The following FMO1 variants were observed in gnomAD, a reference collection of about 807,000 sequenced individuals.
FMO1 encodes flavin containing dimethylaniline monoxygenase 1, also known as flavin-containing monooxygenase 1.
A neutral mutation model predicts 45.4 loss-of-function variants in FMO1; 36 were observed. That is an observed-to-expected ratio of 0.79 (90% CI 0.61 to 1.05). The LOEUF (loss-of-function observed/expected upper bound fraction) is 1.05. Among genes scored for constraint, FMO1 ranks in the 50% least tolerant of loss-of-function variants. FMO1 has a pLI of 0.00. For missense variants in FMO1, 615 were observed against 640.3 expected (o/e 0.96, Z 0.43); for synonymous variants, 228 against 227.2 (o/e 1.00, Z -0.03).
At chr1:171,263,938 T>C (rs542260247) in intron 2 of FMO1, among the ~76,000 whole-genome samples, 11 of 152,308 alleles carry the variant, frequency 7.2e-5, no homozygotes, top group African/African-American at 2.4e-4. Context: ...ACTCCCTGTA[T>C]ATATGCTAAA....
At chr1:171,270,500 T>C (rs1392511122) in intron 3 of FMO1, 19 of 878,540 alleles carry the variant, frequency 2.2e-5, no homozygotes, top group Non-Finnish European at 2.6e-5. Flanking sequence ...ACAATACTAA[T>C]AAAAAATTTG....
intron 3 of FMO1, among the ~76,000 whole-genome samples, chr1:171,270,050 T>TG (rs935536298): frequency 2.0e-5 from 3 of 152,220 alleles, no homozygotes; most frequent in Admixed American, 6.5e-5. Flanking sequence ...CTCACGCTTT[T>TG]GGGGATACAT....
intron 3 of FMO1, among the ~76,000 whole-genome samples, chr1:171,273,233 G>A (rs1242461865): frequency 6.6e-6 from 1 of 152,126 alleles, no homozygotes; most frequent in South Asian, 2.1e-4. Flanking sequence ...TGCTTCCCCA[G>A]CCACATGGAA....
chr1:171,267,672 C>A lies in FMO1; in HGVS notation c.262C>A (p.Leu88Met). The A allele has an allele frequency of 1.2e-6, 2 of 1,614,060 alleles. No homozygotes were observed. The highest frequency in any genetic ancestry group is 1.7e-6 in the Non-Finnish European group (2 of 1,179,978). Residue 88 changes from leucine (L) to methionine (M), a missense_variant, in exon 3 of 9, where the codon CTG becomes ATG. Leu to Met is a conservative substitution (Grantham distance 15, BLOSUM62 2). Coordinates refer to ENST00000617670, the MANE Select transcript of FMO1 (RefSeq NM_001282693.2). ...YPNYVPNSQF[L>M]EYLKMYANHF... Reference sequence around the variant, plus strand: ...AAACTATGTGCCAAATTCTCAATTCCTGGAATATCTCAAAATGTATGCAAA... The same window carrying A: ...AAACTATGTGCCAAATTCTCAATTCATGGAATATCTCAAAATGTATGCAAA...
chr1:171,251,443 G>A (rs1204110343), intron 1 of FMO1: 1 of 150,770 alleles, frequency 6.6e-6, no homozygotes, highest in Non-Finnish European at 1.5e-5. Flanking sequence ...TGCCGCAGTT[G>A]GTACCCCGTG....
chr1:171,270,601 CAATT>C (rs1220215577), intron 3 of FMO1: 1 of 986,534 alleles, frequency 1.0e-6, no homozygotes, highest in Non-Finnish European at 1.2e-6. Flanking sequence ...AACAGAACAA[CAATT>C]ATTTCCTATA....
chr1:171,252,274 T>C (rs1237094740), intron 1 of FMO1, among the ~76,000 whole-genome samples: 1 of 151,806 alleles, frequency 6.6e-6, no homozygotes, highest in African/African-American at 2.4e-5. Context: ...GAATGGTTAA[T>C]ATATATATAA....
chr1:171,257,721 CT>C, intron 1 of FMO1: 1 of 270,404 alleles, frequency 3.7e-6, no homozygotes, highest in Non-Finnish European at 7.2e-6. Flanking sequence ...TTTTCCTAGT[CT>C]GCTGATCTAT....
chr1:171,273,057 G>A (rs551626787), intron 3 of FMO1, among the ~76,000 whole-genome samples: 5 of 152,296 alleles, frequency 3.3e-5, no homozygotes, highest in Admixed American at 3.3e-4. Flanking sequence ...GGAGGTAACC[G>A]AATCATGAGG....
At chr1:171,258,606 A>C (rs539946980) in intron 2 of FMO1, among the ~76,000 whole-genome samples, 5 of 152,324 alleles carry the variant, frequency 3.3e-5, no homozygotes, top group Admixed American at 2.0e-4. Flanking sequence ...TCTGCCTGCA[A>C]GACTGAGCTG....
intron 2 of FMO1, among the ~76,000 whole-genome samples, chr1:171,265,605 T>C (rs1489174846): frequency 6.6e-6 from 1 of 152,176 alleles, no homozygotes; most frequent in Non-Finnish European, 1.5e-5. Context: ...ACATAGGCAA[T>C]TGACACAGAG....
At chr1:171,284,849 T>G (rs544428276) in intron 8 of FMO1, among the ~76,000 whole-genome samples, 16 of 152,238 alleles carry the variant, frequency 1.1e-4, no homozygotes, top group African/African-American at 3.8e-4. Context: ...GCTTTTCACA[T>G]TATATAAATC....
chr1:171,259,901 G>C (rs569615006), intron 2 of FMO1, among the ~76,000 whole-genome samples: 1 of 152,224 alleles, frequency 6.6e-6, no homozygotes, highest in Non-Finnish European at 1.5e-5. Context: ...CTCAGGAGCT[G>C]TCAGGTAGAT....
Position 171,285,405 on chromosome 1 carries a change from C to T in FMO1, c.1460C>T (p.Ala487Val). ...GPGKWEGARN[A>V]IMTQWDRTFK... is the part of the protein sequence containing the mutation. ...GGAAAATGGGAAGGAGCCAGAAATGCCATCATGACCCAGTGGGACCGAACA... is the reference window on the plus strand; with the variant it reads ...GGAAAATGGGAAGGAGCCAGAAATGTCATCATGACCCAGTGGGACCGAACA... Residue 487 changes from alanine to valine, a missense_variant, in exon 9 of 9, where the codon GCC becomes GTC. Coordinates refer to ENST00000617670, the MANE Select transcript of FMO1 (RefSeq NM_001282693.2). 6.2e-7 allele frequency: 1 copy of T among 1,612,988 alleles called. No homozygotes were observed. Among genetic ancestry groups the T allele is most frequent in the African/African-American group, 1.3e-5 (1 of 74,964 alleles).
Position 171,258,355 on chromosome 1 carries a change from G to A in FMO1, c.132+136G>A, listed in dbSNP as rs1289899647. Reference sequence around the variant, plus strand: ...ATGTCTGCTGAACAGGGGACCATGAGGAGCCACTGAAATTGTAAAAGAAAC... The same window carrying A: ...ATGTCTGCTGAACAGGGGACCATGAAGAGCCACTGAAATTGTAAAAGAAAC... On this transcript the variant is annotated intron_variant, in intron 2 of 8. Transcript: ENST00000617670. The A allele has an allele frequency of 1.5e-5, 15 of 1,004,082 alleles. No individual in the cohort carries two copies. In the East Asian group the frequency reaches 3.2e-4, roughly 21 times the overall value. The allele number at this position is 1,004,082 out of a possible 1,614,324, so 62.2% of individuals were successfully genotyped here.
In FMO1 at chr1:171,267,668, A is replaced by G. The variant is rs1245099048; in HGVS notation, c.258A>G (p.Gln86=). 6.2e-7 allele frequency: 1 copy of G among 1,614,106 alleles called. No homozygotes were observed. Among genetic ancestry groups the G allele is most frequent in the East Asian group, 2.2e-5 (1 of 44,890 alleles). The change falls in exon 3 of 9, where the codon CAA becomes CAG. Residue 86 remains glutamine (Q), a synonymous_variant. Transcript: ENST00000617670. ...EDYPNYVPNS[Q]FLEYLKMYAN... The stretch of plus-strand genomic sequence containing the variant: ...ATCCAAACTATGTGCCAAATTCTCA[A>G]TTCCTGGAATATCTCAAAATGTATG...
At chr1:171,264,252 C>A (rs1660505343) in intron 2 of FMO1, among the ~76,000 whole-genome samples, 1 of 151,342 alleles carries the variant, frequency 6.6e-6, no homozygotes, top group Admixed American at 6.6e-5. Flanking sequence ...CCTGGCTTAT[C>A]CAGTTCCAAT....
At chr1:171,275,529 A>C in intron 4 of FMO1, 21 bp downstream of exon 4, 1 of 1,586,094 alleles carries the variant, frequency 6.3e-7, no homozygotes, top group Non-Finnish European at 8.6e-7. Context: ...TTCTGTAACT[A>C]ACTTTAAGTT....
chr1:171,284,556 A>G (rs1221245741), intron 8 of FMO1, among the ~76,000 whole-genome samples: 1 of 151,992 alleles, frequency 6.6e-6, no homozygotes, highest in Non-Finnish European at 1.5e-5. Context: ...TGGATGACAT[A>G]GCAAGCCCCC....
Sources: allele counts gnomAD v4.1 joint callset (sites outside exome capture counted in the v4.1 genomes callset), GRCh38; gene constraint gnomAD v4.1.1; transcripts MANE v1.5; gene names NCBI Gene and HGNC (gene_info 2026-07-23, HGNC 2026-07-21).